GPD2: variants seen among roughly 807,000 people sequenced by gnomAD.
The protein encoded by GPD2 is glycerol-3-phosphate dehydrogenase, mitochondrial.
GPD2 carries 54 observed loss-of-function variants against 82.4 expected under a neutral mutation model. The observed-to-expected ratio is 0.66, with a 90% CI of 0.53 to 0.82. The LOEUF (loss-of-function observed/expected upper bound fraction) is 0.82, where lower values mean the gene tolerates loss of function less well. Ranked by LOEUF, GPD2 falls within the 40% of genes least tolerant of loss-of-function variation. The pLI is 0.00. For synonymous variants in GPD2, 288 were observed against 306.1 expected (o/e 0.94, Z 0.62); for missense variants, 748 against 896.2 (o/e 0.83, Z 2.11).
At position 156,580,064 on chromosome 2, in the gene GPD2, T is replaced by G. The variant is rs1687974346; in HGVS notation, c.2058+276T>G. Among the ~76,000 whole-genome samples the G allele has an allele frequency of 3.3e-5, 5 of 152,342 alleles. No individual in the cohort carries two copies. In the South Asian group the frequency reaches 1.0e-3, roughly 32 times the overall value. On this transcript the variant is annotated intron_variant, in intron 16 of 16. Transcript: ENST00000438166. Reference sequence around the variant, plus strand: ...GTTATTTATCATAAAGGGTTGAATATGAAGCATGCTTTTTAAAGACGTATG... The same window carrying G: ...GTTATTTATCATAAAGGGTTGAATAGGAAGCATGCTTTTTAAAGACGTATG...
chr2:156,415,913 T>C, the GPD2 span, among the ~76,000 whole-genome samples: 2 of 95,698 alleles, frequency 2.1e-5, no homozygotes, highest in Middle Eastern at 5.0e-3. Flanking sequence ...CCCAGCTACT[T>C]GGGAGGCTGA....
the GPD2 span, among the ~76,000 whole-genome samples, chr2:156,418,842 G>A: frequency 6.6e-6 from 1 of 152,060 alleles, no homozygotes; most frequent in Non-Finnish European, 1.5e-5. Context: ...TCTTGTGAAA[G>A]TTTCTGTTCA....
chr2:156,408,118 C>A, the GPD2 span, among the ~76,000 whole-genome samples: 1 of 151,680 alleles, frequency 6.6e-6, no homozygotes. Flanking sequence ...ACCACACTGG[C>A]TAATTTTTGT....
intron 2 of GPD2, among the ~76,000 whole-genome samples, chr2:156,480,351 A>G (rs1683679832): frequency 6.6e-6 from 1 of 152,164 alleles, no homozygotes; most frequent in Admixed American, 6.5e-5. Context: ...TGAAACAAGA[A>G]TAGAGTGGGA....
intron 13 of GPD2, among the ~76,000 whole-genome samples, chr2:156,576,469 A>T (rs1366958392): frequency 6.2e-5 from 4 of 64,820 alleles, no homozygotes; most frequent in Non-Finnish European, 1.1e-4. Context: ...GCTGTGATAA[A>T]AAAAAAAAAA....
intron 7 of GPD2, among the ~76,000 whole-genome samples, 185 bp downstream of exon 7, chr2:156,549,957 T>C (rs1686696417): frequency 6.6e-6 from 1 of 152,214 alleles, no homozygotes; most frequent in Non-Finnish European, 1.5e-5. Context: ...GACTTGGCAA[T>C]TTTTCCCCTT....
chr2:156,516,294 A>G (rs1685193564), intron 6 of GPD2, among the ~76,000 whole-genome samples: 1 of 152,256 alleles, frequency 6.6e-6, no homozygotes, highest in Admixed American at 6.5e-5. Context: ...TACTTTAAAA[A>G]TAACATATTG....
At chr2:156,561,478 A>G (rs944441410) in intron 9 of GPD2, among the ~76,000 whole-genome samples, 1 of 152,076 alleles carries the variant, frequency 6.6e-6, no homozygotes, top group African/African-American at 2.4e-5. Flanking sequence ...ATGGGATACT[A>G]TGTGCACTAG....
chr2:156,412,865 G>GA, the GPD2 span, among the ~76,000 whole-genome samples: 1 of 152,198 alleles, frequency 6.6e-6, no homozygotes, highest in Non-Finnish European at 1.5e-5. Context: ...GAGAGGCTGA[G>GA]ACAGGTGGAT....
the GPD2 span, among the ~76,000 whole-genome samples, chr2:156,401,921 G>T: frequency 6.6e-6 from 1 of 152,122 alleles, no homozygotes; most frequent in Non-Finnish European, 1.5e-5. Flanking sequence ...GAGATAAAAG[G>T]CTGTGGATAT....
At chr2:156,522,617 G>A (rs1321144304) in intron 6 of GPD2, among the ~76,000 whole-genome samples, 1 of 151,558 alleles carries the variant, frequency 6.6e-6, no homozygotes, top group Non-Finnish European at 1.5e-5. Context: ...CATATATTTT[G>A]CCAAATACAT....
chr2:156,556,753 A>G (rs1015252540), intron 8 of GPD2, among the ~76,000 whole-genome samples: 1 of 152,154 alleles, frequency 6.6e-6, no homozygotes, highest in Non-Finnish European at 1.5e-5. Flanking sequence ...TAAAACATGG[A>G]GCTCTTTTCT....
intron 3 of GPD2, among the ~76,000 whole-genome samples, chr2:156,504,432 G>A (rs1464737505): frequency 6.6e-6 from 1 of 151,174 alleles, no homozygotes; most frequent in African/African-American, 2.4e-5. Flanking sequence ...CATGCAGCAT[G>A]TGGCTTTAAT....
At chr2:156,448,586 G>A (rs1298530888) in intron 1 of GPD2, among the ~76,000 whole-genome samples, 2 of 152,202 alleles carry the variant, frequency 1.3e-5, no homozygotes, top group Non-Finnish European at 2.9e-5. Flanking sequence ...AATTTGGGAA[G>A]GCCTCTCTGA....
At chr2:156,551,907 G>A (rs1166460246) in intron 8 of GPD2, among the ~76,000 whole-genome samples, 2 of 152,096 alleles carry the variant, frequency 1.3e-5, no homozygotes, top group African/African-American at 2.4e-5. Context: ...TTCTTTCCAT[G>A]TTTTAATAAT....
the GPD2 span, among the ~76,000 whole-genome samples, chr2:156,428,039 G>A: frequency 8.3e-4 from 127 of 152,204 alleles, no homozygotes; most frequent in Middle Eastern, 0.01. Flanking sequence ...ATAATTCAGG[G>A]TAATCTCTCC....
intron 1 of GPD2, among the ~76,000 whole-genome samples, chr2:156,449,346 CTG>C (rs1368600815): frequency 1.3e-5 from 2 of 152,106 alleles, no homozygotes; most frequent in East Asian, 1.9e-4. Context: ...GCAAGAGAAA[CTG>C]TGTGGTTTTG....
intron 9 of GPD2, among the ~76,000 whole-genome samples, chr2:156,562,183 A>G (rs924987852): frequency 6.6e-6 from 1 of 152,200 alleles, no homozygotes; most frequent in Non-Finnish European, 1.5e-5. Flanking sequence ...TTCCTGGAGT[A>G]CTTCTTTAGG....
chr2:156,408,769 TCTTGGCTG>T, the GPD2 span, among the ~76,000 whole-genome samples: 2 of 149,274 alleles, frequency 1.3e-5, no homozygotes. Flanking sequence ...TCCTGAAGGA[TCTTGGCTG>T]CTGGGTGAAG....
Sources: gnomAD v4.1 joint callset for allele counts (sites outside exome capture counted in the v4.1 genomes callset) on GRCh38, gnomAD v4.1.1 for gene constraint, MANE v1.5 for transcripts, NCBI Gene and HGNC (gene_info 2026-07-23, HGNC 2026-07-21) for gene names.